The following ZDHHC14 variants were observed in gnomAD, a reference collection of about 807,000 sequenced individuals.
The protein encoded by ZDHHC14 is palmitoyltransferase ZDHHC14.
A neutral mutation model predicts 47.7 loss-of-function variants in ZDHHC14; 16 were observed. The ratio of observed to expected loss-of-function variants is 0.34; its 90% CI spans 0.23 to 0.51. ZDHHC14 has a LOEUF of 0.51. Ranked by LOEUF, ZDHHC14 falls within the 20% of genes least tolerant of loss-of-function variation. ZDHHC14 has a pLI of 0.97. For missense variants in ZDHHC14, 515 were observed against 662.5 expected (o/e 0.78, Z 2.44); for synonymous variants, 293 against 278.9 (o/e 1.05, Z -0.50).
chr6:157,546,171 G>A (rs1007700544), intron 2 of ZDHHC14, among the ~76,000 whole-genome samples: 3 of 152,182 alleles, frequency 2.0e-5, no homozygotes, highest in Admixed American at 6.5e-5. Flanking sequence ...CTGCAAGCTG[G>A]GCTCATTTCC....
At position 157,568,089 on chromosome 6, in the gene ZDHHC14, A is replaced by T. The variant is rs544648743; in HGVS notation, c.407-24899A>T. Among the ~76,000 whole-genome samples, 19 of 152,348 alleles carry T rather than the reference A, an allele frequency of 1.2e-4. No homozygotes were observed. The South Asian group carries it at 3.7e-3, about 30-fold the overall frequency. ...GAGGGGACATCTTTCAAAAATCATT[A>T]TGAAAACTATGAACTTGCATTTTTT... On this transcript the variant is annotated intron_variant, in intron 2 of 8. Coordinates refer to ENST00000359775, the MANE Select transcript of ZDHHC14 (RefSeq NM_024630.3).
intron 1 of ZDHHC14, among the ~76,000 whole-genome samples, chr6:157,403,068 A>C (rs1342339738): frequency 7.7e-6 from 1 of 129,138 alleles, no homozygotes; most frequent in Non-Finnish European, 1.7e-5. Flanking sequence ...TCTGAACTGG[A>C]CTTGTTGCAT....
intron 2 of ZDHHC14, among the ~76,000 whole-genome samples, chr6:157,589,433 C>T (rs1783823241): frequency 6.6e-6 from 1 of 152,120 alleles, no homozygotes; most frequent in Non-Finnish European, 1.5e-5. Flanking sequence ...CCATCCAAAT[C>T]TCATCTTGAA....
intron 1 of ZDHHC14, among the ~76,000 whole-genome samples, chr6:157,508,028 A>T (rs993673305): frequency 6.6e-6 from 1 of 152,212 alleles, no homozygotes; most frequent in African/African-American, 2.4e-5. Flanking sequence ...CAATGATTCC[A>T]TTGTCTTCTA....
chr6:157,549,875 C>T (rs1782150142), intron 2 of ZDHHC14, among the ~76,000 whole-genome samples: 1 of 152,176 alleles, frequency 6.6e-6, no homozygotes, highest in Admixed American at 6.5e-5. Context: ...TGGGAATGTA[C>T]CATGTGTTGG....
chr6:157,519,778 G>A (rs768236650), intron 1 of ZDHHC14, among the ~76,000 whole-genome samples: 7 of 152,188 alleles, frequency 4.6e-5, no homozygotes, highest in Non-Finnish European at 1.0e-4. Context: ...CATTAAACAC[G>A]CATCTCTTGA....
intron 2 of ZDHHC14, among the ~76,000 whole-genome samples, chr6:157,573,392 G>A (rs780934990): frequency 1.2e-4 from 18 of 152,128 alleles, no homozygotes; most frequent in Non-Finnish European, 1.6e-4. Context: ...CTCACCTCAC[G>A]AGGGCAAGCC....
chr6:157,603,966 G>A (rs1033955572), intron 3 of ZDHHC14, among the ~76,000 whole-genome samples: 16 of 152,108 alleles, frequency 1.1e-4, no homozygotes, highest in African/African-American at 3.6e-4. Context: ...GTATTCATGG[G>A]TTCCACATCC....
At chr6:157,415,335 TA>T (rs35801526) in intron 1 of ZDHHC14, among the ~76,000 whole-genome samples, 4 of 151,638 alleles carry the variant, frequency 2.6e-5, no homozygotes, top group East Asian at 1.9e-4. Flanking sequence ...GGAAGGTATT[TA>T]AAAAAAAATC....
chr6:157,466,657 G>T (rs1356035332), intron 1 of ZDHHC14, among the ~76,000 whole-genome samples: 2 of 152,048 alleles, frequency 1.3e-5, no homozygotes, highest in Non-Finnish European at 2.9e-5. Flanking sequence ...GGCCAGCATG[G>T]TGAAACGCCG....
rs1214312820 is a variant in ZDHHC14, at chr6:157,645,677, C to A, written c.753-60C>A. ...CCGGGGGTGTTTCGGTTCCAGGCCTCCATCACATCCACTTCTTGCGCGGTC... is the reference window on the plus strand; with the variant it reads ...CCGGGGGTGTTTCGGTTCCAGGCCTACATCACATCCACTTCTTGCGCGGTC... On this transcript the variant is annotated intron_variant, in intron 5 of 8. Coordinates refer to ENST00000359775, the MANE Select transcript of ZDHHC14 (RefSeq NM_024630.3). The A allele has an allele frequency of 2.1e-6, 3 of 1,411,982 alleles. No homozygotes were observed. The African/African-American group carries it at 4.2e-5, about 20-fold the overall frequency. The allele number at this position is 1,411,982 out of a possible 1,614,324, so 87.5% of individuals were successfully genotyped here. A position where few individuals can be genotyped will look rare whatever the true frequency, so the allele number is the denominator to read the frequency against.
intron 1 of ZDHHC14, among the ~76,000 whole-genome samples, chr6:157,410,280 T>C (rs1388370862): frequency 2.6e-5 from 4 of 152,212 alleles, no homozygotes; most frequent in African/African-American, 7.2e-5. Context: ...ACATGCATTG[T>C]ACTTATTTTG....
Position 157,595,973 on chromosome 6 carries a change from A to G in ZDHHC14, c.565+2827A>G, listed in dbSNP as rs1295030397. Among the ~76,000 whole-genome samples the G allele has an allele frequency of 2.6e-5, 4 of 152,354 alleles. No individual in the cohort carries two copies. The South Asian group carries it at 8.3e-4, about 32-fold the overall frequency. On this transcript the variant is annotated intron_variant, in intron 3 of 8. Transcript: ENST00000359775. ...ATCTAGAGGAGGAAGACTGGAACCC[A>G]GGAGCACACCGCAAGCCGCGGCCTC...
chr6:157,493,214 G>A (rs34979722), intron 1 of ZDHHC14, among the ~76,000 whole-genome samples: 3,902 of 152,292 alleles, frequency 0.026, 160 homozygotes, highest in African/African-American at 0.089. Context: ...GGATGTGGGC[G>A]CAGGAAGAGA....
intron 7 of ZDHHC14, among the ~76,000 whole-genome samples, chr6:157,652,349 C>T (rs1042605800): frequency 5.9e-5 from 9 of 152,114 alleles, no homozygotes; most frequent in South Asian, 4.1e-4. Flanking sequence ...TCCTCAGAGG[C>T]GGGGATGGGC....
At chr6:157,442,578 T>G (rs1429520391) in intron 1 of ZDHHC14, among the ~76,000 whole-genome samples, 1 of 152,180 alleles carries the variant, frequency 6.6e-6, no homozygotes, top group Non-Finnish European at 1.5e-5. Flanking sequence ...AAATATCACT[T>G]CCATTAACTA....
At chr6:157,613,164 T>G (rs900537832) in intron 3 of ZDHHC14, among the ~76,000 whole-genome samples, 1 of 152,222 alleles carries the variant, frequency 6.6e-6, no homozygotes. Context: ...TCAACAGATA[T>G]CGGAGGGCCT....
intron 2 of ZDHHC14, among the ~76,000 whole-genome samples, chr6:157,565,645 C>A (rs1465634690): frequency 1.3e-5 from 2 of 152,030 alleles, no homozygotes; most frequent in Non-Finnish European, 2.9e-5. Flanking sequence ...ATGGAGAAAC[C>A]GTGTCTTTAC....
chr6:157,554,664 G>T (rs765999773), intron 2 of ZDHHC14, among the ~76,000 whole-genome samples: 7 of 152,160 alleles, frequency 4.6e-5, no homozygotes, highest in African/African-American at 1.4e-4. Context: ...GAAATCTCTC[G>T]GATGTATCCA....
Sources: gnomAD v4.1 joint callset for allele counts (sites outside exome capture counted in the v4.1 genomes callset) on GRCh38, gnomAD v4.1.1 for gene constraint, MANE v1.5 for transcripts, NCBI Gene and HGNC (gene_info 2026-07-23, HGNC 2026-07-21) for gene names.